Variants in HSD17B14 observed in about 807,000 individuals in gnomAD.
HSD17B14 encodes the protein L-fucose dehydrogenase.
A neutral mutation model predicts 32.2 loss-of-function variants in HSD17B14; 32 were observed. That is an observed-to-expected ratio of 0.99 (90% confidence interval 0.75 to 1.33). The LOEUF is 1.33. Among genes scored for constraint, HSD17B14 ranks in the 40% most tolerant of loss-of-function variants. The probability of loss-of-function intolerance (pLI) is 0.00; values close to 1 mark genes in which losing one functional copy is unlikely to be tolerated. For missense variants in HSD17B14, 370 were observed against 366.5 expected (o/e 1.01, Z -0.08); for synonymous variants, 140 against 155.4 (o/e 0.90, Z 0.74).
intron 8 of HSD17B14, 49 bp from the exon 9 acceptor site, chr19:48,813,397 C>T (rs374536163): frequency 6.4e-6 from 10 of 1,553,630 alleles, no homozygotes; most frequent in Middle Eastern, 1.7e-4. Context: ...CCCACTTGAT[C>T]GCCATGCCCC....
intron 1 of HSD17B14, 63 bp downstream of exon 1, chr19:48,836,261 T>G: frequency 7.3e-6 from 10 of 1,362,570 alleles, no homozygotes; most frequent in Non-Finnish European, 8.3e-6. Flanking sequence ...TCCGCCCCCA[T>G]CACCCCGCCC....
At chr19:48,836,034 C>T (rs2035505946) in intron 1 of HSD17B14, among the ~76,000 whole-genome samples, 191 bp from the exon 2 acceptor site, 1 of 152,034 alleles carries the variant, frequency 6.6e-6, no homozygotes, top group Non-Finnish European at 1.5e-5. Context: ...GCTCCTGAAC[C>T]CCCGTTCGTG....
At chr19:48,826,131 A>C (rs753983958) in intron 5 of HSD17B14, among the ~76,000 whole-genome samples, 4 of 151,958 alleles carry the variant, frequency 2.6e-5, no homozygotes, top group Non-Finnish European at 5.9e-5. Flanking sequence ...AACTTGACCA[A>C]CTTTCTAAGA....
At chr19:48,813,970 T>C (rs1338785348) in intron 6 of HSD17B14, among the ~76,000 whole-genome samples, 1 of 151,636 alleles carries the variant, frequency 6.6e-6, no homozygotes, top group East Asian at 1.9e-4. Context: ...CCGGGATGGG[T>C]GGATCACTTG....
intron 5 of HSD17B14, among the ~76,000 whole-genome samples, chr19:48,822,969 C>T (rs2035186258): frequency 1.3e-5 from 2 of 152,036 alleles, no homozygotes; most frequent in South Asian, 4.2e-4. Context: ...GGCAGCGACA[C>T]AAGTGTTCAC....
chr19:48,831,736 C>A lies in HSD17B14; in HGVS notation c.301G>T (p.Glu101Ter), dbSNP rs1242179972. The A allele has an allele frequency of 6.2e-7, 1 of 1,612,784 alleles. No individual in the cohort carries two copies. The highest frequency in any genetic ancestry group is 1.7e-5 in the Admixed American group (1 of 59,902). Reference protein sequence around the residue: ...GHHPPPQRPEETSAQGFRQLL... With the variant: ...GHHPPPQRPE ...TGGCGGAATCCCTGGGCAGAGGTCT[C>A]CTCAGGCCTCTGTGGGGGTGGGTCT... The change falls in exon 5 of 9, where the codon GAG (glutamate) becomes TAG (stop). Residue 101 changes from glutamate (E) to a stop codon, truncating the protein, a stop_gained. Transcript: ENST00000263278. LOFTEE classifies it high-confidence loss of function.
intron 7 of HSD17B14, 54 bp from the exon 8 acceptor site, chr19:48,813,606 C>G: frequency 6.2e-7 from 1 of 1,609,790 alleles, no homozygotes; most frequent in South Asian, 1.1e-5. Context: ...CACTTGGGAT[C>G]ACTCCCAGTC....
intron 5 of HSD17B14, among the ~76,000 whole-genome samples, chr19:48,820,486 T>G (rs2035128075): frequency 6.6e-6 from 1 of 151,544 alleles, no homozygotes; most frequent in African/African-American, 2.4e-5. Flanking sequence ...AAAAGAATGT[T>G]GCCTGGCTTG....
chr19:48,817,187 T>TTGTTG (rs2035072000), intron 5 of HSD17B14, among the ~76,000 whole-genome samples: 1 of 149,250 alleles, frequency 6.7e-6, no homozygotes, highest in South Asian at 2.1e-4. Flanking sequence ...ATTTTTTGTT[T>TTGTTG]TATTTTTTGA....
intron 5 of HSD17B14, among the ~76,000 whole-genome samples, chr19:48,816,803 C>CTTTCTTTCTTTCTT (rs1359509407): frequency 8.6e-6 from 1 of 116,432 alleles, no homozygotes; most frequent in Non-Finnish European, 1.7e-5. Context: ...TTCTTTCTTT[C>CTTTCTTTCTTTCTT]TTTCTTTCTT....
chr19:48,822,656 A>G (rs1475515074), intron 5 of HSD17B14, among the ~76,000 whole-genome samples: 22 of 128,266 alleles, frequency 1.7e-4, no homozygotes, highest in Middle Eastern at 6.8e-3. Flanking sequence ...TGATTGTGGT[A>G]ATGATGGTGA....
chr19:48,834,409 GGGGTT>G (rs2035413594), intron 2 of HSD17B14, 51 bp from the exon 3 acceptor site: 1 of 1,192,506 alleles, frequency 8.4e-7, no homozygotes. Context: ...TCAGGGAGGA[GGGGTT>G]GGGGACTTGG....
intron 1 of HSD17B14, 149 bp downstream of exon 1, chr19:48,836,175 G>T: frequency 2.5e-6 from 2 of 799,272 alleles, no homozygotes; most frequent in Non-Finnish European, 4.0e-6. Flanking sequence ...AGCCTACAGC[G>T]CCACACGCTT....
chr19:48,827,859 CT>C (rs529419306), intron 5 of HSD17B14, among the ~76,000 whole-genome samples: 98 of 128,438 alleles, frequency 7.6e-4, no homozygotes, highest in Middle Eastern at 4.4e-3. Flanking sequence ...TTTTTTTTTT[CT>C]TTTTTTTTTT....
rs533548303 is a variant in HSD17B14 at position 48,833,847 on chromosome 19, G to A, written c.210+429C>T. On this transcript the variant is annotated intron_variant, in intron 3 of 8. Transcript: ENST00000263278. ...GTCTTAAAAAAAAAAAAAATTAGCC[G>A]GGCATGGTGGCGCACACCTGTAATC... Among the ~76,000 whole-genome samples, 18 of 148,616 alleles carry A rather than the reference G, an allele frequency of 1.2e-4. No individual in the cohort carries two copies. The East Asian group carries it at 2.4e-3, about 20-fold the overall frequency.
chr19:48,834,382 GCC>G, intron 2 of HSD17B14, 24 bp from the exon 3 acceptor site: 3 of 1,534,716 alleles, frequency 2.0e-6, no homozygotes, highest in Non-Finnish European at 2.7e-6. Flanking sequence ...AGAGCTGGGA[GCC>G]TGGACCCCTG....
At chr19:48,831,803 G>T in intron 4 of HSD17B14, 44 bp from the exon 5 acceptor site, 3 of 1,155,308 alleles carry the variant, frequency 2.6e-6, no homozygotes, top group Non-Finnish European at 3.9e-6. Flanking sequence ...ACGGGGGCTG[G>T]ACACAGTTGC....
intron 5 of HSD17B14, among the ~76,000 whole-genome samples, chr19:48,826,092 T>C (rs1225704893): frequency 2.0e-5 from 3 of 150,222 alleles, no homozygotes; most frequent in Non-Finnish European, 4.4e-5. Context: ...AGTGCTGGGA[T>C]TACAGGCGTG....
In HSD17B14 at chr19:48,836,434, T is replaced by C. The variant is rs1287352445; in HGVS notation, c.-23A>G. On this transcript the variant is annotated 5_prime_UTR_variant, in exon 1 of 9. Transcript: ENST00000263278. ...CATCCCGTGTACGTCGGTCTCTCTC[T>C]CTCTCTACTCTGGGCCTCTTTCACC... The C allele has an allele frequency of 6.2e-7, 1 of 1,610,420 alleles. No homozygotes were observed. Among genetic ancestry groups the C allele is most frequent in the Non-Finnish European group, 8.5e-7 (1 of 1,178,208 alleles).
Sources: gnomAD v4.1 joint callset for allele counts (sites outside exome capture counted in the v4.1 genomes callset) on GRCh38, gnomAD v4.1.1 for gene constraint, MANE v1.5 for transcripts, NCBI Gene and HGNC (gene_info 2026-07-23, HGNC 2026-07-21) for gene names.